Variants in CYP2C19 observed in about 807,000 individuals in gnomAD.
The protein encoded by CYP2C19 is cytochrome P450 family 2 subfamily C member 19, also known as cytochrome P450 2C19.
Under a neutral mutation model 40.9 loss-of-function variants are expected in CYP2C19, and 59 were observed. The observed-to-expected ratio is 1.44, with a 90% confidence interval of 1.17 to 1.79. The LOEUF is 1.79. Ranked by LOEUF, CYP2C19 falls within the 40% of genes most tolerant of loss-of-function variation. CYP2C19 has a pLI of 0.00. For synonymous variants in CYP2C19, 253 were observed against 208.7 expected (o/e 1.21, Z -1.83); for missense variants, 754 against 596.9 (o/e 1.26, Z -2.74).
chr10:94,831,239 A>G (rs905560954), intron 6 of CYP2C19, among the ~76,000 whole-genome samples: 1 of 152,144 alleles, frequency 6.6e-6, no homozygotes, highest in African/African-American at 2.4e-5. Flanking sequence ...ATAGAACTCC[A>G]TTGTGTATAT....
At chr10:94,790,797 C>T (rs1374607515) in intron 5 of CYP2C19, among the ~76,000 whole-genome samples, 1 of 152,002 alleles carries the variant, frequency 6.6e-6, no homozygotes, top group Non-Finnish European at 1.5e-5. Context: ...ATTTTTGCAT[C>T]GATGTTCATC....
At chr10:94,775,697 C>T (rs1279817842) in intron 3 of CYP2C19, 158 bp downstream of exon 3, 3 of 1,263,246 alleles carry the variant, frequency 2.4e-6, no homozygotes, top group East Asian at 2.4e-5. Context: ...AGGGAATTTG[C>T]ACATGTTTGT....
At chr10:94,843,151 G>T in intron 7 of CYP2C19, 127 bp downstream of exon 7, 1 of 1,181,360 alleles carries the variant, frequency 8.5e-7, no homozygotes, top group Middle Eastern at 1.9e-4. Flanking sequence ...AGTTTAATTG[G>T]ACTTTCTGTT....
chr10:94,829,838 G>C (rs1184528926), intron 6 of CYP2C19, among the ~76,000 whole-genome samples: 1 of 151,692 alleles, frequency 6.6e-6, no homozygotes, highest in Non-Finnish European at 1.5e-5. Context: ...TTTTTGGTGT[G>C]GATGTCCTTT....
intron 5 of CYP2C19, among the ~76,000 whole-genome samples, chr10:94,818,048 T>C (rs1254554971): frequency 6.7e-6 from 1 of 148,886 alleles, no homozygotes; most frequent in East Asian, 2.0e-4. Context: ...CTTTAATCCA[T>C]CTTGAATTGA....
chr10:94,765,369 T>C (rs1589815933), intron 1 of CYP2C19, among the ~76,000 whole-genome samples: 1 of 152,194 alleles, frequency 6.6e-6, no homozygotes, highest in African/African-American at 2.4e-5. Flanking sequence ...AAGGCAGATA[T>C]AGGTCGACAT....
At chr10:94,802,464 A>G (rs868342581) in intron 5 of CYP2C19, among the ~76,000 whole-genome samples, 46 of 151,798 alleles carry the variant, frequency 3.0e-4, no homozygotes, top group African/African-American at 1.0e-3. Flanking sequence ...CTTTATTTTG[A>G]GCCTATGGGT....
At chr10:94,799,982 G>T (rs1310470188) in intron 5 of CYP2C19, among the ~76,000 whole-genome samples, 5 of 151,982 alleles carry the variant, frequency 3.3e-5, no homozygotes, top group African/African-American at 4.8e-5. Flanking sequence ...TGTTATTACC[G>T]ACATTCTGAA....
intron 5 of CYP2C19, among the ~76,000 whole-genome samples, chr10:94,818,115 C>G (rs1459395696): frequency 6.7e-6 from 1 of 149,116 alleles, no homozygotes; most frequent in Non-Finnish European, 1.5e-5. Flanking sequence ...TATGGCTAGC[C>G]AGTTTTCCCA....
intron 6 of CYP2C19, among the ~76,000 whole-genome samples, chr10:94,832,364 G>T (rs1032642152): frequency 6.6e-6 from 1 of 152,184 alleles, no homozygotes; most frequent in Non-Finnish European, 1.5e-5. Context: ...AGAGATCTTT[G>T]CAGGGGAAGT....
chr10:94,849,853 C>T (rs1192589655), intron 7 of CYP2C19, 64 bp from the exon 8 acceptor site: 5 of 1,581,700 alleles, frequency 3.2e-6, no homozygotes, highest in African/African-American at 2.7e-5. Flanking sequence ...TGCATGATTA[C>T]CACTGTTTCT....
At chr10:94,817,492 T>C (rs1234611604) in intron 5 of CYP2C19, among the ~76,000 whole-genome samples, 1 of 144,654 alleles carries the variant, frequency 6.9e-6, no homozygotes, top group Non-Finnish European at 1.5e-5. Flanking sequence ...CTTTGTCAGA[T>C]GAGTAGGTTG....
intron 1 of CYP2C19, among the ~76,000 whole-genome samples, chr10:94,766,782 T>C (rs1008985139): frequency 2.6e-5 from 4 of 151,982 alleles, no homozygotes; most frequent in African/African-American, 9.7e-5. Context: ...GTACTGCAGG[T>C]TCCTCAGGGG....
chr10:94,823,954 CA>C, intron 6 of CYP2C19, among the ~76,000 whole-genome samples: 1 of 152,106 alleles, frequency 6.6e-6, no homozygotes, highest in Non-Finnish European at 1.5e-5. Flanking sequence ...GTGGATAATT[CA>C]GAAGTGAGAT....
At position 94,841,501 on chromosome 10, in the gene CYP2C19, T is replaced by C. The variant is rs1306670045; in HGVS notation, c.962-1336T>C. 4.6e-5 allele frequency among the ~76,000 whole-genome samples: 7 copies of C among 152,140 alleles called. No homozygotes were observed. The South Asian group carries it at 1.4e-3, about 31-fold the overall frequency. On this transcript the variant is annotated intron_variant, in intron 6 of 8. Coordinates refer to ENST00000371321, the MANE Select transcript of CYP2C19 (RefSeq NM_000769.4). Reference sequence around the variant, plus strand: ...TAATAGAGTGAAAACAGAGCTCCCATACAAAGGGAGGGGACCCAAAGGGGG... The same window carrying C: ...TAATAGAGTGAAAACAGAGCTCCCACACAAAGGGAGGGGACCCAAAGGGGG...
At chr10:94,820,050 G>C (rs1021502278) in intron 5 of CYP2C19, among the ~76,000 whole-genome samples, 1 of 149,814 alleles carries the variant, frequency 6.7e-6, no homozygotes, top group Non-Finnish European at 1.5e-5. Flanking sequence ...CCATGATCAA[G>C]TGGGCTTCAT....
intron 5 of CYP2C19, 23 bp from the exon 6 acceptor site, chr10:94,820,473 T>C: frequency 6.2e-7 from 1 of 1,613,362 alleles, no homozygotes; most frequent in East Asian, 2.2e-5. Flanking sequence ...ATTTGTCAGA[T>C]AATTGCATCA....
At chr10:94,764,058 AG>A (rs1256721786) in intron 1 of CYP2C19, among the ~76,000 whole-genome samples, 3 of 152,086 alleles carry the variant, frequency 2.0e-5, no homozygotes, top group Non-Finnish European at 4.4e-5. Context: ...CGCTGGCTTC[AG>A]GAGTGAAGTT....
intron 6 of CYP2C19, among the ~76,000 whole-genome samples, chr10:94,828,107 G>T (rs542770902): frequency 0.022 from 3,300 of 152,178 alleles, 118 homozygotes; most frequent in African/African-American, 0.074. Flanking sequence ...TTTGGAATAG[G>T]TGTGGTGTGG....
Sources: gnomAD v4.1 joint callset for allele counts (sites outside exome capture counted in the v4.1 genomes callset) on GRCh38, gnomAD v4.1.1 for gene constraint, MANE v1.5 for transcripts, NCBI Gene and HGNC (gene_info 2026-07-23, HGNC 2026-07-21) for gene names.